PI4K2A: variants seen among roughly 807,000 people sequenced by gnomAD.
PI4K2A encodes the protein phosphatidylinositol 4-kinase type 2-alpha.
A neutral mutation model predicts 55.0 loss-of-function variants in PI4K2A; 20 were observed. The observed-to-expected ratio is 0.36, with a 90% CI of 0.26 to 0.53. PI4K2A has a LOEUF of 0.53. Among genes scored for constraint, PI4K2A ranks in the 20% least tolerant of loss-of-function variants. PI4K2A has a pLI of 0.91. For missense variants in PI4K2A, 463 were observed against 637.1 expected (o/e 0.73, Z 2.94); for synonymous variants, 235 against 258.5 (o/e 0.91, Z 0.87).
chr10:97,664,778 A>G (rs561258693), intron 5 of PI4K2A, 107 bp from the exon 6 acceptor site: 4 of 708,258 alleles, frequency 5.6e-6, no homozygotes, highest in South Asian at 1.7e-5. Context: ...GATAAGTTCA[A>G]TAAGAATTCT....
rs1377981864 is a variant in PI4K2A, at chr10:97,651,208, A to G, written c.636+67A>G. On this transcript the variant is annotated intron_variant, in intron 2 of 8. Transcript: ENST00000370631. ...GTTTTCCTGGGGCCTAAGCCCTGCTACATGTTAGTGGGACCTTGGGTCCAG... is the reference window on the plus strand; with the variant it reads ...GTTTTCCTGGGGCCTAAGCCCTGCTGCATGTTAGTGGGACCTTGGGTCCAG... The G allele has an allele frequency of 4.0e-6, 5 of 1,256,092 alleles. No homozygotes were observed. In the Admixed American group the frequency reaches 8.8e-5, roughly 22 times the overall value. 77.8% of individuals were successfully genotyped at this position (1,256,092 alleles called of 1,614,324 possible). A position where few individuals can be genotyped will look rare whatever the true frequency, so the allele number is the denominator to read the frequency against.
At chr10:97,646,175 T>C (rs1171161780) in intron 1 of PI4K2A, among the ~76,000 whole-genome samples, 4 of 152,018 alleles carry the variant, frequency 2.6e-5, no homozygotes, top group Middle Eastern at 3.4e-3. Context: ...ATATGAGATA[T>C]AGCCTTTACC....
chr10:97,651,204 T>A, intron 2 of PI4K2A, 63 bp downstream of exon 2: 1 of 1,299,224 alleles, frequency 7.7e-7, no homozygotes, highest in Non-Finnish European at 1.1e-6. Flanking sequence ...GCCTAAGCCC[T>A]GCTACATGTT....
intron 4 of PI4K2A, among the ~76,000 whole-genome samples, chr10:97,659,757 A>C (rs1196081078): frequency 3.9e-5 from 6 of 152,116 alleles, no homozygotes; most frequent in Non-Finnish European, 8.8e-5. Context: ...TAAGAGCCAA[A>C]ATTGAATGAA....
At chr10:97,671,024 C>T (rs1353501487) in intron 8 of PI4K2A, among the ~76,000 whole-genome samples, 1 of 152,010 alleles carries the variant, frequency 6.6e-6, no homozygotes, top group African/African-American at 2.4e-5. Flanking sequence ...GTAATCCCAG[C>T]TACTCGGGAG....
chr10:97,659,139 A>G (rs893186077), intron 4 of PI4K2A, among the ~76,000 whole-genome samples: 34 of 152,220 alleles, frequency 2.2e-4, no homozygotes, highest in African/African-American at 7.2e-4. Context: ...GGCTCAAGTG[A>G]TCTTCCTACC....
exon 9 of PI4K2A, chr10:97,676,371 G>A (rs568399244): frequency 1.3e-5 from 2 of 152,140 alleles, no homozygotes; most frequent in Non-Finnish European, 2.9e-5. Context: ...TTCCCTACTA[G>A]GGATTATACA....
intron 8 of PI4K2A, among the ~76,000 whole-genome samples, chr10:97,667,963 G>T (rs1358539688): frequency 2.6e-5 from 4 of 152,182 alleles, no homozygotes; most frequent in African/African-American, 9.7e-5. Context: ...GTTGTTATAG[G>T]TGCAACTTAC....
chr10:97,655,104 TC>T (rs2041546559), intron 2 of PI4K2A, among the ~76,000 whole-genome samples: 1 of 152,110 alleles, frequency 6.6e-6, no homozygotes, highest in African/African-American at 2.4e-5. Flanking sequence ...GCACAGTGGC[TC>T]ATGCCTGTAA....
chr10:97,653,975 A>G (rs1028237960), intron 2 of PI4K2A, among the ~76,000 whole-genome samples: 2 of 152,156 alleles, frequency 1.3e-5, no homozygotes, highest in Non-Finnish European at 2.9e-5. Context: ...TTGGAAGCTT[A>G]ACATATAGCT....
At chr10:97,661,086 G>A (rs2041580776) in intron 4 of PI4K2A, among the ~76,000 whole-genome samples, 2 of 151,906 alleles carry the variant, frequency 1.3e-5, no homozygotes, top group Admixed American at 6.6e-5. Flanking sequence ...CCGCCTCCCG[G>A]GTTCACACCA....
rs899051852 is a variant in PI4K2A, at chr10:97,673,852, CCTCT to C, written c.*117_*120del. 3 of 940,274 alleles carry C rather than the reference CCTCT, an allele frequency of 3.2e-6. No homozygotes were observed. The Admixed American group carries it at 6.6e-5, about 21-fold the overall frequency. 58.2% of individuals were successfully genotyped at this position (940,274 alleles called of 1,614,324 possible). A position where few individuals can be genotyped will look rare whatever the true frequency, so the allele number is the denominator to read the frequency against. On this transcript the variant is annotated 3_prime_UTR_variant, in exon 9 of 9. Transcript: ENST00000370631. Reference sequence around the variant, plus strand: ...GGTGGAGAGCAGCACCTTTAAGAGCCCTCTCTCTCTGCTTGCCACCCTGCTCAGA... The same window carrying C: ...GGTGGAGAGCAGCACCTTTAAGAGCCCTCTCTGCTTGCCACCCTGCTCAGA...
intron 1 of PI4K2A, among the ~76,000 whole-genome samples, chr10:97,648,208 C>T (rs995543127): frequency 6.6e-6 from 1 of 151,524 alleles, no homozygotes; most frequent in African/African-American, 2.4e-5. Flanking sequence ...ATTCTCCTGC[C>T]TCGCCTCCCG....
exon 1 of PI4K2A, chr10:97,640,958 C>T (rs1353444700): frequency 1.3e-6 from 2 of 1,504,692 alleles, no homozygotes; most frequent in African/African-American, 1.4e-5. Context: ...CGGCCCAGGG[C>T]CAGACCCAAA....
chr10:97,640,880 C>G, exon 1 of PI4K2A: 1 of 1,306,728 alleles, frequency 7.7e-7, no homozygotes, highest in Non-Finnish European at 9.7e-7. Flanking sequence ...GCTCGGGCCC[C>G]TCTCCGCCGG....
rs1430452108 is a variant in PI4K2A at position 97,663,596 on chromosome 10, T to TGG, written c.984+630_984+631dup. 2.0e-5 allele frequency among the ~76,000 whole-genome samples: 3 copies of TGG among 148,762 alleles called. No individual in the cohort carries two copies. The East Asian group carries it at 5.9e-4, about 29-fold the overall frequency. On this transcript the variant is annotated intron_variant, in intron 5 of 8. Coordinates refer to ENST00000370631, the Ensembl canonical transcript of PI4K2A. Reference sequence around the variant, plus strand: ...ATCCCAGCACTTTGGGAGGCCGAGGTGGGAGGATCACCTGAGGTCAGGAGT... The same window carrying TGG: ...ATCCCAGCACTTTGGGAGGCCGAGGTGGGGGAGGATCACCTGAGGTCAGGAGT...
intron 1 of PI4K2A, among the ~76,000 whole-genome samples, chr10:97,642,865 T>TTTTCTTTCTTTCTTTC (rs1554878119): frequency 1.9e-5 from 1 of 53,696 alleles, no homozygotes; most frequent in African/African-American, 6.4e-5. Flanking sequence ...CTTTCTTTCT[T>TTTTCTTTCTTTCTTTC]TTTCTTTCTT....
At chr10:97,661,168 T>A (rs2041581523) in intron 4 of PI4K2A, among the ~76,000 whole-genome samples, 1 of 151,994 alleles carries the variant, frequency 6.6e-6, no homozygotes, top group African/African-American at 2.4e-5. Flanking sequence ...ATTTTTTGTA[T>A]TTTTAGTAGA....
rs971462300 is a variant in PI4K2A at position 97,650,934 on chromosome 10, T to G, written c.436-7T>G. ...TTTAACATCCTCTTTTTCTTTGGTC[T>G]CTGTAGAGGATCATTGCTGTCTTCA... On this transcript the variant is annotated splice_region_variant and splice_polypyrimidine_tract_variant and intron_variant, in intron 1 of 8. Coordinates refer to ENST00000370631, the Ensembl canonical transcript of PI4K2A. 6.2e-7 allele frequency: 1 copy of G among 1,604,302 alleles called. No individual in the cohort carries two copies. The highest frequency in any genetic ancestry group is 8.5e-7 in the Non-Finnish European group (1 of 1,172,192).
Sources: gnomAD v4.1 joint callset for allele counts (sites outside exome capture counted in the v4.1 genomes callset) on GRCh38, gnomAD v4.1.1 for gene constraint, MANE v1.5 for transcripts, NCBI Gene and HGNC (gene_info 2026-07-23, HGNC 2026-07-21) for gene names.